The following SUGCT variants were observed in gnomAD, a reference collection of about 807,000 sequenced individuals.
The protein encoded by SUGCT is succinyl-CoA:glutarate CoA-transferase.
A neutral mutation model predicts 55.0 loss-of-function variants in SUGCT; 41 were observed. That is an observed-to-expected ratio of 0.74 (90% CI 0.58 to 0.97). The LOEUF is 0.97. Among genes scored for constraint, SUGCT ranks in the 50% least tolerant of loss-of-function variants. The probability of loss-of-function intolerance (pLI) is 0.00; values close to 1 mark genes in which losing one functional copy is unlikely to be tolerated. For missense variants in SUGCT, 568 were observed against 547.8 expected (o/e 1.04, Z -0.37); for synonymous variants, 187 against 200.4 (o/e 0.93, Z 0.56).
At chr7:40,538,450 A>C (rs1439915652) in intron 12 of SUGCT, 1 of 152,176 alleles carries the variant, frequency 6.6e-6, no homozygotes, top group Non-Finnish European at 1.5e-5. Context: ...CTTTGCAGTA[A>C]AAATATCTCC....
the SUGCT span, among the ~76,000 whole-genome samples, chr7:40,905,717 T>A: frequency 6.9e-6 from 1 of 145,542 alleles, no homozygotes; most frequent in South Asian, 2.2e-4. Context: ...TTTTTTTTTC[T>A]TTTTTTTTTT....
At chr7:40,716,930 A>G (rs1012348623) in intron 12 of SUGCT, among the ~76,000 whole-genome samples, 1 of 152,160 alleles carries the variant, frequency 6.6e-6, no homozygotes, top group Non-Finnish European at 1.5e-5. Context: ...GATTTTAAAG[A>G]TGTTAAAATG....
intron 1 of SUGCT, among the ~76,000 whole-genome samples, chr7:40,140,905 A>G (rs1298617571): frequency 2.0e-5 from 3 of 152,192 alleles, no homozygotes; most frequent in Non-Finnish European, 4.4e-5. Context: ...GTTGATAGAA[A>G]TTGCATTGAA....
intron 8 of SUGCT, among the ~76,000 whole-genome samples, chr7:40,312,380 G>A (rs1025288394): frequency 6.6e-6 from 1 of 152,090 alleles, no homozygotes; most frequent in Non-Finnish European, 1.5e-5. Flanking sequence ...TATCCATCTG[G>A]ATATTAAGGA....
At chr7:40,420,530 C>T (rs12538229) in intron 9 of SUGCT, among the ~76,000 whole-genome samples, 16,939 of 151,714 alleles carry the variant, frequency 0.11, 1,398 homozygotes, top group East Asian at 0.48. Context: ...GTAGAGACAA[C>T]GTTTCACCAT....
chr7:40,465,936 C>T (rs984624577), intron 11 of SUGCT, among the ~76,000 whole-genome samples: 1 of 152,092 alleles, frequency 6.6e-6, no homozygotes, highest in African/African-American at 2.4e-5. Context: ...GGCTAGCGTG[C>T]GGTAGTGTGA....
At chr7:40,149,080 C>T (rs1788414907) in intron 1 of SUGCT, among the ~76,000 whole-genome samples, 2 of 151,982 alleles carry the variant, frequency 1.3e-5, no homozygotes, top group Admixed American at 6.6e-5. Flanking sequence ...GAGGTTTCTC[C>T]TTTAGTTCAG....
chr7:40,506,572 G>C (rs958307051), intron 12 of SUGCT, among the ~76,000 whole-genome samples: 1 of 151,938 alleles, frequency 6.6e-6, no homozygotes, highest in Non-Finnish European at 1.5e-5. Flanking sequence ...TGAGGTTCTT[G>C]GATGTTTTTC....
At chr7:40,184,443 T>G (rs574607313) in intron 3 of SUGCT, among the ~76,000 whole-genome samples, 1 of 152,158 alleles carries the variant, frequency 6.6e-6, no homozygotes, top group East Asian at 1.9e-4. Flanking sequence ...AAATTTTTTT[T>G]GTTTTGTTTG....
intron 13 of SUGCT, among the ~76,000 whole-genome samples, chr7:40,841,402 C>T (rs553050464): frequency 2.4e-4 from 37 of 152,094 alleles, no homozygotes; most frequent in Middle Eastern, 3.4e-3. Flanking sequence ...TTATAGATGA[C>T]GACAACTAAA....
chr7:40,784,756 T>C (rs555496495), intron 13 of SUGCT, among the ~76,000 whole-genome samples: 2 of 152,278 alleles, frequency 1.3e-5, no homozygotes, highest in African/African-American at 4.8e-5. Context: ...GAGAAAATAC[T>C]GAAAAAAGAG....
chr7:40,266,945 G>A (rs953882405), intron 7 of SUGCT, among the ~76,000 whole-genome samples: 13 of 152,016 alleles, frequency 8.6e-5, no homozygotes, highest in African/African-American at 2.7e-4. Flanking sequence ...GAAGCCAGGA[G>A]GTGGAGGTTG....
chr7:41,032,411 C>T, the SUGCT span, among the ~76,000 whole-genome samples: 1 of 151,714 alleles, frequency 6.6e-6, no homozygotes, highest in Non-Finnish European at 1.5e-5. Context: ...AGATTGCTGG[C>T]GATTCAGAGA....
chr7:40,673,043 T>G (rs1188426612), intron 12 of SUGCT, among the ~76,000 whole-genome samples: 2 of 152,228 alleles, frequency 1.3e-5, no homozygotes, highest in African/African-American at 4.8e-5. Flanking sequence ...AATTTCAGTA[T>G]TTACTTTTAA....
At chr7:40,770,266 AC>A (rs1562992472) in intron 13 of SUGCT, among the ~76,000 whole-genome samples, 1 of 152,016 alleles carries the variant, frequency 6.6e-6, no homozygotes, top group Admixed American at 6.6e-5. Context: ...TATAACAGAA[AC>A]CCCCAAATAG....
chr7:40,376,408 G>C (rs1345322676), intron 9 of SUGCT, among the ~76,000 whole-genome samples: 3 of 92,240 alleles, frequency 3.3e-5, no homozygotes, highest in African/African-American at 1.3e-4. Flanking sequence ...TTTTTTTTTT[G>C]AGCTGGAGTC....
chr7:40,367,165 A>T (rs1201714564), intron 9 of SUGCT, among the ~76,000 whole-genome samples: 4 of 151,580 alleles, frequency 2.6e-5, no homozygotes, highest in African/African-American at 9.7e-5. Context: ...TATCGCAAGG[A>T]CAAAAAACCA....
At chr7:40,650,732 T>G (rs918121442) in intron 12 of SUGCT, among the ~76,000 whole-genome samples, 5 of 152,210 alleles carry the variant, frequency 3.3e-5, no homozygotes, top group Non-Finnish European at 5.9e-5. Flanking sequence ...TATTTTAAGT[T>G]CTAGGGTACA....
chr7:40,802,518 C>T (rs1487484904), intron 13 of SUGCT, among the ~76,000 whole-genome samples: 2 of 152,124 alleles, frequency 1.3e-5, no homozygotes, highest in African/African-American at 2.4e-5. Flanking sequence ...AAAAGCCTTA[C>T]GGTTTCCACT....
Sources: allele counts gnomAD v4.1 joint callset (sites outside exome capture counted in the v4.1 genomes callset), GRCh38; gene constraint gnomAD v4.1.1; transcripts MANE v1.5; gene names NCBI Gene and HGNC (gene_info 2026-07-23, HGNC 2026-07-21).